Variants in IL20RB observed in about 807,000 individuals in gnomAD.
IL20RB encodes interleukin-20 receptor subunit beta.
Under a neutral mutation model 33.3 loss-of-function variants are expected in IL20RB, and 21 were observed. The ratio of observed to expected loss-of-function variants is 0.63; its 90% CI spans 0.45 to 0.91. The LOEUF is 0.91. IL20RB is among the 40% of genes least tolerant of loss of function. IL20RB has a pLI of 0.00. For missense variants in IL20RB, 345 were observed against 384.8 expected, an observed-to-expected ratio of 0.90 and a Z score of 0.86; for synonymous variants, 147 against 146.8, an observed-to-expected ratio of 1.00 and a Z score of -0.01.
intron 4 of IL20RB, among the ~76,000 whole-genome samples, chr3:136,991,261 C>G (rs1942025401): frequency 6.6e-6 from 1 of 152,222 alleles, no homozygotes; most frequent in African/African-American, 2.4e-5. Flanking sequence ...TCTAACCACT[C>G]TGTTTAAGAT....
At chr3:136,999,453 G>T (rs1294276302) in intron 6 of IL20RB, among the ~76,000 whole-genome samples, 1 of 152,114 alleles carries the variant, frequency 6.6e-6, no homozygotes, top group South Asian at 2.1e-4. Flanking sequence ...TTCCCAGGCT[G>T]GTCTGGAACT....
chr3:136,958,227 A>G (rs1162859904), intron 1 of IL20RB, 26 bp downstream of exon 1: 2 of 1,440,316 alleles, frequency 1.4e-6, no homozygotes, highest in African/African-American at 1.4e-5. Context: ...AATACATCCA[A>G]TAGTTTGGGC....
intron 1 of IL20RB, among the ~76,000 whole-genome samples, chr3:136,959,998 A>C (rs1941173446): frequency 6.6e-6 from 1 of 152,150 alleles, no homozygotes; most frequent in South Asian, 2.1e-4. Context: ...GTATCAGTAG[A>C]TAATTGCTTT....
At chr3:136,994,860 G>A (rs1942096570) in intron 5 of IL20RB, among the ~76,000 whole-genome samples, 1 of 152,004 alleles carries the variant, frequency 6.6e-6, no homozygotes, top group Non-Finnish European at 1.5e-5. Context: ...GCAACTACAC[G>A]TCCAGCCCCC....
At chr3:136,994,994 T>C (rs768894663) in intron 5 of IL20RB, among the ~76,000 whole-genome samples, 5 of 152,348 alleles carry the variant, frequency 3.3e-5, no homozygotes, top group Non-Finnish European at 7.3e-5. Flanking sequence ...CAAGAGTGAA[T>C]TGTGAAACAC....
intron 3 of IL20RB, among the ~76,000 whole-genome samples, chr3:136,984,222 C>T (rs1308504422): frequency 6.6e-6 from 1 of 152,140 alleles, no homozygotes; most frequent in Non-Finnish European, 1.5e-5. Flanking sequence ...GGACAAGGTC[C>T]TGGAAAACCT....
intron 6 of IL20RB, among the ~76,000 whole-genome samples, chr3:137,002,708 A>G (rs1942271269): frequency 6.6e-6 from 1 of 151,926 alleles, no homozygotes; most frequent in African/African-American, 2.4e-5. Flanking sequence ...TTTTTCTCCC[A>G]TTCTGTAGGT....
chr3:137,009,627 C>T (rs1933031314), intron 6 of IL20RB, among the ~76,000 whole-genome samples: 2 of 152,062 alleles, frequency 1.3e-5, no homozygotes, highest in African/African-American at 4.8e-5. Context: ...GCAGCCTTGA[C>T]CTCCCAGGCT....
rs1933059305 is a variant in IL20RB at position 137,010,291 on chromosome 3, G to A, written c.*68G>A. The A allele has an allele frequency of 2.5e-6, 2 of 791,150 alleles. No homozygotes were observed. Among genetic ancestry groups the A allele is most frequent in the Non-Finnish European group, 4.5e-6 (2 of 440,108 alleles). 49.0% of individuals were successfully genotyped at this position (791,150 alleles called of 1,614,324 possible). Reference sequence around the variant, plus strand: ...TGACATGGAAACCATGAGGGGACAAGTTGTGTTTCTGTTTTCCGCCACGGA... The same window carrying A: ...TGACATGGAAACCATGAGGGGACAAATTGTGTTTCTGTTTTCCGCCACGGA... On this transcript the variant is annotated 3_prime_UTR_variant, in exon 7 of 7. Transcript: ENST00000329582.
intron 1 of IL20RB, among the ~76,000 whole-genome samples, chr3:136,974,585 A>G (rs1325531064): frequency 6.6e-6 from 1 of 152,170 alleles, no homozygotes; most frequent in Non-Finnish European, 1.5e-5. Flanking sequence ...TTGACTTCAG[A>G]CAGTCTAACT....
intron 5 of IL20RB, among the ~76,000 whole-genome samples, chr3:136,993,455 G>T (rs1404228093): frequency 6.6e-6 from 1 of 152,016 alleles, no homozygotes; most frequent in Admixed American, 6.6e-5. Context: ...AAGTTCTAGG[G>T]TACATGTGCA....
intron 3 of IL20RB, among the ~76,000 whole-genome samples, chr3:136,987,526 C>T (rs894387840): frequency 2.0e-5 from 3 of 152,246 alleles, no homozygotes; most frequent in Non-Finnish European, 2.9e-5. Context: ...CTGGCTTCAC[C>T]CAGTGGATCC....
At chr3:137,006,347 T>C (rs1363173992) in intron 6 of IL20RB, among the ~76,000 whole-genome samples, 1 of 152,184 alleles carries the variant, frequency 6.6e-6, no homozygotes, top group East Asian at 1.9e-4. Context: ...CTGGATAATA[T>C]CCTGCAGAGT....
At chr3:136,983,170 C>G (rs1351869445) in intron 3 of IL20RB, among the ~76,000 whole-genome samples, 4 of 152,224 alleles carry the variant, frequency 2.6e-5, no homozygotes, top group East Asian at 1.9e-4. Flanking sequence ...TCACTGCAAC[C>G]TCTGTCTCCT....
intron 1 of IL20RB, among the ~76,000 whole-genome samples, chr3:136,975,320 G>A (rs1050292650): frequency 2.0e-5 from 3 of 151,692 alleles, no homozygotes; most frequent in African/African-American, 4.9e-5. Flanking sequence ...ACAGCATTTG[G>A]CATTTATTTA....
chr3:136,975,953 T>A (rs1941607065), intron 1 of IL20RB, among the ~76,000 whole-genome samples: 1 of 152,186 alleles, frequency 6.6e-6, no homozygotes, highest in Non-Finnish European at 1.5e-5. Flanking sequence ...CCTGGACAGC[T>A]AGCATGGCAC....
At chr3:136,959,126 G>A (rs912377423) in intron 1 of IL20RB, 1 of 152,154 alleles carries the variant, frequency 6.6e-6, no homozygotes, top group African/African-American at 2.4e-5. Flanking sequence ...TTCAGCACAT[G>A]GTGTCCAAAT....
intron 1 of IL20RB, among the ~76,000 whole-genome samples, chr3:136,972,146 A>G (rs1941502060): frequency 6.6e-6 from 1 of 152,286 alleles, no homozygotes; most frequent in Admixed American, 6.5e-5. Flanking sequence ...CTTTTGAGAA[A>G]TGTCTACTTA....
chr3:136,995,799 G>C (rs1032387246), intron 6 of IL20RB, among the ~76,000 whole-genome samples: 1 of 152,118 alleles, frequency 6.6e-6, no homozygotes, highest in Non-Finnish European at 1.5e-5. Context: ...CCAGGACCTG[G>C]GATGGCAAAG....
Sources: gnomAD v4.1 joint callset for allele counts (sites outside exome capture counted in the v4.1 genomes callset) on GRCh38, gnomAD v4.1.1 for gene constraint, MANE v1.5 for transcripts, NCBI Gene and HGNC (gene_info 2026-07-23, HGNC 2026-07-21) for gene names.